The following CSMD2 variants were observed in gnomAD, a reference collection of about 807,000 sequenced individuals.
CSMD2 encodes CUB and sushi domain-containing protein 2.
CSMD2 carries 130 observed loss-of-function variants against 398.5 expected under a neutral mutation model. That is an observed-to-expected ratio of 0.33 (90% CI 0.28 to 0.38). The LOEUF is 0.38. Among genes scored for constraint, CSMD2 ranks in the 10% least tolerant of loss-of-function variants. The pLI, the probability that CSMD2 is intolerant of heterozygous loss-of-function variation, is 1.00. For missense variants in CSMD2, 3,829 were observed against 4,764.9 expected, an observed-to-expected ratio of 0.80 and a Z score of 5.78; for synonymous variants, 1,828 against 1,908.5, an observed-to-expected ratio of 0.96 and a Z score of 1.10.
At chr1:33,583,958 C>A in intron 46 of CSMD2, 128 bp from the exon 47 acceptor site, 1 of 722,654 alleles carries the variant, frequency 1.4e-6, no homozygotes, top group Non-Finnish European at 2.3e-6. Flanking sequence ...CAGATAAGAT[C>A]CCACATCCAT....
chr1:33,817,829 T>C (rs1200145792), intron 9 of CSMD2, among the ~76,000 whole-genome samples: 1 of 152,218 alleles, frequency 6.6e-6, no homozygotes, highest in South Asian at 2.1e-4. Context: ...ATGATGATGG[T>C]TGGATTTGTA....
At chr1:33,709,320 C>A (rs767428794) in intron 21 of CSMD2, 62 bp from the exon 22 acceptor site, 41 of 1,450,804 alleles carry the variant, frequency 2.8e-5, no homozygotes, top group Non-Finnish European at 3.9e-5. Context: ...GAAAGCAACT[C>A]ACAGCTCTGA....
intron 29 of CSMD2, among the ~76,000 whole-genome samples, chr1:33,637,229 T>C (rs940924019): frequency 2.6e-5 from 4 of 152,214 alleles, no homozygotes; most frequent in Non-Finnish European, 1.5e-5. Flanking sequence ...CTTCCACCTC[T>C]GGGTTGGGTT....
At chr1:33,605,908 G>T in intron 41 of CSMD2, 1 of 1,613,920 alleles carries the variant, frequency 6.2e-7, no homozygotes, top group Non-Finnish European at 8.5e-7. Context: ...GCGGCGACGG[G>T]AGGAGTTGAG....
chr1:33,808,314 C>T (rs1656461175), intron 10 of CSMD2, among the ~76,000 whole-genome samples: 1 of 151,668 alleles, frequency 6.6e-6, no homozygotes, highest in Non-Finnish European at 1.5e-5. Flanking sequence ...CTGCAAAATG[C>T]AGGGTTTTTT....
chr1:33,631,335 G>A (rs1642454621), intron 32 of CSMD2, among the ~76,000 whole-genome samples: 1 of 152,106 alleles, frequency 6.6e-6, no homozygotes, highest in Middle Eastern at 3.4e-3. Flanking sequence ...TGATATTAGA[G>A]TAATATACCT....
intron 3 of CSMD2, among the ~76,000 whole-genome samples, chr1:33,951,878 C>G (rs564496995): frequency 6.6e-6 from 1 of 152,254 alleles, no homozygotes; most frequent in Non-Finnish European, 1.5e-5. Context: ...TGCCCTTTCA[C>G]GCCCCTTGGC....
chr1:33,779,904 T>C (rs1001669418), intron 12 of CSMD2, among the ~76,000 whole-genome samples: 1 of 151,982 alleles, frequency 6.6e-6, no homozygotes, highest in African/African-American at 2.4e-5. Context: ...TTTTGAGGCA[T>C]GATGGGGGAG....
chr1:33,682,659 T>C (rs758613730), intron 25 of CSMD2, among the ~76,000 whole-genome samples: 3 of 152,156 alleles, frequency 2.0e-5, no homozygotes, highest in Admixed American at 6.5e-5. Flanking sequence ...GGGATGACTA[T>C]GTACTTGCCT....
At chr1:34,104,587 C>T (rs1660337983) in intron 1 of CSMD2, among the ~76,000 whole-genome samples, 1 of 152,182 alleles carries the variant, frequency 6.6e-6, no homozygotes, top group Non-Finnish European at 1.5e-5. Flanking sequence ...ATTAATGAAA[C>T]TGCCCTAAGA....
In CSMD2 at chr1:33,662,954, C is replaced by T. The variant is rs530472658; in HGVS notation, c.4191G>A (p.Ser1397=). ...AGTCAGTGCTGAACTGCAGGACGAC[C>T]GAGTTGAAGGTGCTATGCAGGTCCT... ...LPKDLHSTFN[S]VVLQFSTDFF... is the part of the protein sequence containing the mutation. Residue 1397 remains serine, a synonymous_variant, in exon 26 of 71, where the codon TCG becomes TCA. Coordinates refer to ENST00000373381, the MANE Select transcript of CSMD2 (RefSeq NM_001281956.2). The T allele has an allele frequency of 3.8e-5, 61 of 1,614,122 alleles. No individual in the cohort carries two copies. Among genetic ancestry groups the T allele is most frequent in the Middle Eastern group, 1.6e-4 (1 of 6,062 alleles).
intron 39 of CSMD2, among the ~76,000 whole-genome samples, chr1:33,615,358 G>T (rs1055731177): frequency 2.6e-5 from 4 of 152,170 alleles, no homozygotes; most frequent in African/African-American, 4.8e-5. Context: ...AACAGAAAGG[G>T]GCTAGCCAGT....
chr1:33,529,424 G>A (rs947929909), intron 64 of CSMD2, among the ~76,000 whole-genome samples: 1 of 152,160 alleles, frequency 6.6e-6, no homozygotes, highest in Non-Finnish European at 1.5e-5. Flanking sequence ...GGTGGTAATG[G>A]CATAAAGAGA....
At position 33,619,442 on chromosome 1, in the gene CSMD2, C is replaced by T. The variant is rs181089815; in HGVS notation, c.5828-1825G>A. Among the ~76,000 whole-genome samples the T allele has an allele frequency of 9.2e-5, 14 of 152,330 alleles. No individual in the cohort carries two copies. In the East Asian group the frequency reaches 2.7e-3, roughly 29 times the overall value. On this transcript the variant is annotated intron_variant, in intron 37 of 70. Transcript: ENST00000373381. ...GACCATCAGCCACCAACCCATCTTC[C>T]CAGGCAGCAGCTAATGAGTCCTCAT...
chr1:33,767,909 C>T (rs1478639018), intron 13 of CSMD2, among the ~76,000 whole-genome samples: 1 of 152,182 alleles, frequency 6.6e-6, no homozygotes, highest in East Asian at 1.9e-4. Context: ...GCAATGGAGA[C>T]AGGGCAAGAC....
chr1:34,022,885 G>A (rs1207643442), intron 3 of CSMD2, among the ~76,000 whole-genome samples: 1 of 152,146 alleles, frequency 6.6e-6, no homozygotes, highest in Non-Finnish European at 1.5e-5. Flanking sequence ...AGGCTGGAGT[G>A]CAGTGGCGCA....
intron 2 of CSMD2, among the ~76,000 whole-genome samples, chr1:34,035,670 A>C (rs1460401075): frequency 7.4e-6 from 1 of 135,864 alleles, no homozygotes; most frequent in Non-Finnish European, 1.6e-5. Flanking sequence ...TTTGTAGTTA[A>C]ACGAAAAAAA....
At chr1:33,581,150 A>G (rs1353553837) in intron 47 of CSMD2, among the ~76,000 whole-genome samples, 1 of 152,054 alleles carries the variant, frequency 6.6e-6, no homozygotes, top group Non-Finnish European at 1.5e-5. Context: ...ATTGATTTGC[A>G]TTTTGAGACT....
In CSMD2 at chr1:33,772,635, C is replaced by A; in HGVS notation, c.1780G>T (p.Val594Leu). 6.2e-7 allele frequency: 1 copy of A among 1,614,162 alleles called. No homozygotes were observed. Among genetic ancestry groups the A allele is most frequent in the Non-Finnish European group, 8.5e-7 (1 of 1,180,016 alleles). ...TGGCATGTGATTGCCTTCTGTCCCA[C>A]CAGCTCAAAGGCGGGCTGGCACTCA... Reference protein sequence around the residue: ...KFECQPAFELVGQKAITCQKN... With the variant: ...KFECQPAFELLGQKAITCQKN... The change falls in exon 13 of 71, where the codon GTG becomes TTG. Residue 594 changes from valine to leucine, a missense_variant. Physicochemically the swap from Val to Leu is conservative, Grantham distance 32. Coordinates refer to ENST00000373381, the MANE Select transcript of CSMD2 (RefSeq NM_001281956.2).
Sources: allele counts gnomAD v4.1 joint callset (sites outside exome capture counted in the v4.1 genomes callset), GRCh38; gene constraint gnomAD v4.1.1; transcripts MANE v1.5; gene names NCBI Gene and HGNC (gene_info 2026-07-23, HGNC 2026-07-21).